The following TIMM23 variants were observed in gnomAD, a reference collection of about 807,000 sequenced individuals.
TIMM23 encodes the protein mitochondrial import inner membrane translocase subunit Tim23.
TIMM23 carries 19 observed loss-of-function variants against 30.7 expected under a neutral mutation model. The ratio of observed to expected loss-of-function variants is 0.62; its 90% CI spans 0.43 to 0.91. TIMM23 has a LOEUF of 0.91. Among genes scored for constraint, TIMM23 ranks in the 40% least tolerant of loss-of-function variants. TIMM23 has a pLI of 0.00. For synonymous variants in TIMM23, 78 were observed against 98.5 expected (o/e 0.79, Z 1.23); for missense variants, 202 against 269.2 (o/e 0.75, Z 1.75).
At chr10:45,989,147 CTTCCT>C (rs1838083519) in intron 6 of TIMM23, among the ~76,000 whole-genome samples, 3 of 152,222 alleles carry the variant, frequency 2.0e-5, no homozygotes, top group Non-Finnish European at 4.4e-5. Flanking sequence ...CAATTTACCA[CTTCCT>C]TAGCTCTTGA....
At chr10:45,986,982 A>G (rs1219962255) in intron 5 of TIMM23, among the ~76,000 whole-genome samples, 3 of 152,204 alleles carry the variant, frequency 2.0e-5, no homozygotes, top group Non-Finnish European at 2.9e-5. Context: ...ATAGCCAGTC[A>G]GTCGTGTACC....
intron 2 of TIMM23, among the ~76,000 whole-genome samples, chr10:45,978,505 C>T (rs1487701352): frequency 1.3e-5 from 2 of 152,136 alleles, no homozygotes; most frequent in African/African-American, 2.4e-5. Context: ...TTTGAGTAGA[C>T]ATTTCTCTAT....
intron 6 of TIMM23, among the ~76,000 whole-genome samples, chr10:45,996,229 G>A (rs1448775536): frequency 3.0e-4 from 43 of 143,958 alleles, no homozygotes; most frequent in African/African-American, 5.9e-4. Context: ...GGGCATGGTG[G>A]TGGGTGCCTG....
At chr10:45,993,243 A>ATTTTTTTTTTTTTT (rs1838221633) in intron 6 of TIMM23, among the ~76,000 whole-genome samples, 1 of 31,772 alleles carries the variant, frequency 3.1e-5, no homozygotes, top group Non-Finnish European at 5.9e-5. Context: ...ATCTACCATC[A>ATTTTTTTTTTTTTT]CTTTTTTTTT....
chr10:45,985,386 T>A lies in TIMM23; in HGVS notation c.348T>A (p.Ile116=). The A allele has an allele frequency of 1.2e-6, 2 of 1,613,466 alleles. No individual in the cohort carries two copies. The highest frequency in any genetic ancestry group is 2.2e-5 in the South Asian group (2 of 91,070). Residue 116 remains isoleucine (I), a synonymous_variant, in exon 5 of 7, where the codon ATT becomes ATA. Coordinates refer to ENST00000580018, the MANE Select transcript of TIMM23 (RefSeq NM_006327.4). The part of the protein sequence containing the change: ...MAWSKPRNVQ[I]LNMVTRQGAL... ...CTTTCTCTTTCTGCCCTGATAGGAT[T>A]TTGAATATGGTGACTAGGCAAGGGG...
At chr10:45,981,127 C>T (rs1297824225) in intron 2 of TIMM23, among the ~76,000 whole-genome samples, 2 of 149,098 alleles carry the variant, frequency 1.3e-5, no homozygotes, top group Admixed American at 6.7e-5. Flanking sequence ...TTAGTAGAGA[C>T]GGGGTTTCAC....
intron 6 of TIMM23, chr10:45,998,381 C>A (rs1046962801): frequency 3.1e-5 from 31 of 985,176 alleles, no homozygotes; most frequent in Admixed American, 1.8e-4. Context: ...CATAAGGATC[C>A]CAAAATACAG....
At chr10:45,991,131 A>T (rs1384621796) in intron 6 of TIMM23, among the ~76,000 whole-genome samples, 4 of 152,232 alleles carry the variant, frequency 2.6e-5, no homozygotes, top group African/African-American at 9.6e-5. Flanking sequence ...GAAGTAATAA[A>T]TAACAGTTGA....
intron 2 of TIMM23, among the ~76,000 whole-genome samples, chr10:45,976,798 C>T (rs1249980179): frequency 3.3e-5 from 5 of 152,042 alleles, no homozygotes; most frequent in Non-Finnish European, 7.3e-5. Flanking sequence ...TAGTCAAGTA[C>T]GTTAAATGGC....
chr10:45,981,696 A>G (rs1837850242), intron 2 of TIMM23, among the ~76,000 whole-genome samples: 1 of 152,182 alleles, frequency 6.6e-6, no homozygotes, highest in Non-Finnish European at 1.5e-5. Flanking sequence ...GTTAAATGTA[A>G]CACACTATGT....
At chr10:46,002,533 T>G in intron 6 of TIMM23, 1 of 980,438 alleles carries the variant, frequency 1.0e-6, no homozygotes, top group Non-Finnish European at 1.2e-6. Flanking sequence ...TTAATACTCT[T>G]TCCAAATAGG....
rs1838406714 is a variant in TIMM23, at chr10:45,998,205, T to G, written c.515-4998T>G. The G allele has an allele frequency of 1.9e-5, 4 of 214,228 alleles. No homozygotes were observed. The South Asian group carries it at 6.6e-4, about 35-fold the overall frequency. The allele number at this position is 214,228 out of a possible 1,614,324, so 13.3% of individuals were successfully genotyped here. On this transcript the variant is annotated intron_variant, in intron 6 of 6. Coordinates refer to ENST00000580018, the MANE Select transcript of TIMM23 (RefSeq NM_006327.4). ...CAAAATGTTTACTATCTGGCCCTTT[T>G]AAAAAAGATACATGTTAATCTGTGC...
At chr10:45,983,978 A>T (rs1475482157) in intron 4 of TIMM23, among the ~76,000 whole-genome samples, 1 of 152,184 alleles carries the variant, frequency 6.6e-6, no homozygotes, top group East Asian at 1.9e-4. Flanking sequence ...TCCTGAGCTC[A>T]GGTGATCCTC....
intron 2 of TIMM23, among the ~76,000 whole-genome samples, chr10:45,980,971 G>A (rs1411813324): frequency 7.5e-6 from 1 of 132,636 alleles, no homozygotes; most frequent in Non-Finnish European, 1.6e-5. Context: ...ATGGAGTCTC[G>A]CTCTGTCACC....
At chr10:45,986,133 T>C (rs1192279976) in intron 5 of TIMM23, among the ~76,000 whole-genome samples, 3 of 152,176 alleles carry the variant, frequency 2.0e-5, no homozygotes, top group Non-Finnish European at 2.9e-5. Flanking sequence ...AGAAAACTCA[T>C]TGAAAACATA....
chr10:46,000,460 T>TC (rs1428450647), intron 6 of TIMM23, among the ~76,000 whole-genome samples: 29 of 152,312 alleles, frequency 1.9e-4, no homozygotes, highest in African/African-American at 6.5e-4. Flanking sequence ...GCTCAAGCAG[T>TC]CCGCCCACCT....
Position 46,003,437 on chromosome 10 carries a change from G to A in TIMM23, c.*119G>A. ...ATTAGTTTGAAAAATTGGAGATTTT[G>A]ATTTGCTGTGATGAAAATCCTGGAT... On this transcript the variant is annotated 3_prime_UTR_variant, in exon 7 of 7. Transcript: ENST00000580018. The A allele has an allele frequency of 1.4e-6, 1 of 730,744 alleles. No homozygotes were observed. The highest frequency in any genetic ancestry group is 2.2e-6 in the Non-Finnish European group (1 of 449,344). The allele number at this position is 730,744 out of a possible 1,614,324, so 45.3% of individuals were successfully genotyped here.
chr10:45,986,804 C>CGTGT (rs1161990914), intron 5 of TIMM23, among the ~76,000 whole-genome samples: 18,525 of 149,294 alleles, frequency 0.12, 982 homozygotes, highest in Middle Eastern at 0.21. Context: ...ACTAGAAATA[C>CGTGT]GTGTGTGTGT....
chr10:45,979,218 CTG>C (rs1554913615), intron 2 of TIMM23, among the ~76,000 whole-genome samples: 1 of 152,122 alleles, frequency 6.6e-6, no homozygotes, highest in African/African-American at 2.4e-5. Flanking sequence ...TTGCACGACT[CTG>C]AATATACTAA....
Sources: allele counts gnomAD v4.1 joint callset (sites outside exome capture counted in the v4.1 genomes callset), GRCh38; gene constraint gnomAD v4.1.1; transcripts MANE v1.5; gene names NCBI Gene and HGNC (gene_info 2026-07-23, HGNC 2026-07-21).